The following ITGB1 variants were observed in gnomAD, a reference collection of about 807,000 sequenced individuals.
ITGB1 encodes the protein integrin beta-1.
Under a neutral mutation model 86.5 loss-of-function variants are expected in ITGB1, and 24 were observed. That is an observed-to-expected ratio of 0.28 (90% CI 0.20 to 0.39). The LOEUF is 0.39. Among genes scored for constraint, ITGB1 ranks in the 10% least tolerant of loss-of-function variants. ITGB1 has a pLI of 1.00. For synonymous variants in ITGB1, 323 were observed against 316.8 expected, an observed-to-expected ratio of 1.02 and a Z score of -0.21; for missense variants, 556 against 946.9, an observed-to-expected ratio of 0.59 and a Z score of 5.42.
chr10:32,946,921 TG>T (rs1275666971), intron 1 of ITGB1, among the ~76,000 whole-genome samples: 1 of 152,008 alleles, frequency 6.6e-6, no homozygotes, highest in Non-Finnish European at 1.5e-5. Context: ...CTTGGCTCAC[TG>T]CAACCTCCGC....
rs973453517 is a variant in ITGB1, at chr10:32,926,034, G to A, written c.623C>T (p.Thr208Ile). Residue 208 changes from threonine (T) to isoleucine (I), a missense_variant, in exon 6 of 16, where the codon ACA becomes ATA. Thr to Ile is a moderately conservative substitution (Grantham distance 89). Coordinates refer to ENST00000302278, the MANE Select transcript of ITGB1 (RefSeq NM_002211.4). Reference protein sequence around the residue: ...TTPAKLRNPCTSEQNCTSPFS... With the variant: ...TTPAKLRNPCISEQNCTSPFS... ...TGGGCTGGTGCAGTTCTGTTCACTT[G>A]TGCAAGGGTTCCTGAGCTTAGCTGG... 2 of 1,613,994 alleles carry A rather than the reference G, an allele frequency of 1.2e-6. No individual in the cohort carries two copies. The highest frequency in any genetic ancestry group is 1.3e-5 in the African/African-American group (1 of 74,908).
rs558884199 is a variant in ITGB1 at position 32,910,991 on chromosome 10, G to A, written c.1931+457C>T. On this transcript the variant is annotated intron_variant, in intron 13 of 15. Coordinates refer to ENST00000302278, the MANE Select transcript of ITGB1 (RefSeq NM_002211.4). ...TGACCTTAAGTGATCCACCTGTCTCGGCCTTCCAAAGTGCTGGGATTACAG... is the reference window on the plus strand; with the variant it reads ...TGACCTTAAGTGATCCACCTGTCTCAGCCTTCCAAAGTGCTGGGATTACAG... Among the ~76,000 whole-genome samples the A allele has an allele frequency of 1.1e-4, 16 of 152,138 alleles. No individual in the cohort carries two copies. The South Asian group carries it at 3.3e-3, about 32-fold the overall frequency.
intron 13 of ITGB1, among the ~76,000 whole-genome samples, chr10:32,911,007 G>A (rs191897934): frequency 1.4e-4 from 21 of 152,212 alleles, no homozygotes; most frequent in Non-Finnish European, 2.5e-4. Flanking sequence ...CCAAAGTGCT[G>A]GGATTACAGG....
intron 1 of ITGB1, among the ~76,000 whole-genome samples, chr10:32,954,369 T>C (rs2095048435): frequency 6.6e-6 from 1 of 152,098 alleles, no homozygotes. Flanking sequence ...TATCAAGTCT[T>C]ATCAGTTCTC....
At chr10:32,954,441 AG>A (rs771947832) in intron 1 of ITGB1, among the ~76,000 whole-genome samples, 18 of 152,180 alleles carry the variant, frequency 1.2e-4, no homozygotes, top group Non-Finnish European at 2.6e-4. Context: ...GGATCTGCAA[AG>A]CTTTCTGACC....
intron 1 of ITGB1, among the ~76,000 whole-genome samples, chr10:32,950,564 A>C (rs774942655): frequency 2.0e-5 from 3 of 152,176 alleles, no homozygotes; most frequent in Non-Finnish European, 2.9e-5. Context: ...ATAGAGAAGA[A>C]AAAAAAGGAG....
chr10:32,908,554 T>A lies in ITGB1; in HGVS notation c.2165-20A>T. ...GACACTCTGGAAAATAAGAAGGTAA[T>A]AATGAGCACCACAAAGAGCTGTGCA... On this transcript the variant is annotated intron_variant, in intron 14 of 15. Coordinates refer to ENST00000302278, the MANE Select transcript of ITGB1 (RefSeq NM_002211.4). 6.2e-7 allele frequency: 1 copy of A among 1,609,260 alleles called. No individual in the cohort carries two copies. The highest frequency in any genetic ancestry group is 2.2e-5 in the East Asian group (1 of 44,786).
At chr10:32,937,239 T>C (rs2095004932) in intron 1 of ITGB1, among the ~76,000 whole-genome samples, 1 of 152,188 alleles carries the variant, frequency 6.6e-6, no homozygotes. Flanking sequence ...TATTAGTCAT[T>C]GCAATAATAA....
chr10:32,944,536 A>G (rs1482955740), intron 1 of ITGB1: 2 of 438,174 alleles, frequency 4.6e-6, no homozygotes, highest in African/African-American at 4.1e-5. Context: ...GGGGCACAGA[A>G]ATTAATGTGT....
chr10:32,920,102 G>A lies in ITGB1; in HGVS notation c.1270-18C>T, dbSNP rs45580338. 0.019 allele frequency: 30,334 copies of A among 1,598,300 alleles called. 358 individuals carry two copies. Among genetic ancestry groups the A allele is most frequent in the Non-Finnish European group, 0.022 (25,828 of 1,167,112 alleles). On this transcript the variant is annotated intron_variant, in intron 10 of 15. Coordinates refer to ENST00000302278, the MANE Select transcript of ITGB1 (RefSeq NM_002211.4). ...AATTGAACCTTGAAGGGAAAAAAAAGATTAACAACCAACTAAACAATTTAA... is the reference window on the plus strand; with the variant it reads ...AATTGAACCTTGAAGGGAAAAAAAAAATTAACAACCAACTAAACAATTTAA...
At chr10:32,902,130 G>A (rs1422944084) in intron 15 of ITGB1, among the ~76,000 whole-genome samples, 2 of 152,190 alleles carry the variant, frequency 1.3e-5, no homozygotes, top group Non-Finnish European at 2.9e-5. Flanking sequence ...AATTTAGAGA[G>A]TAAGGCTGTC....
At chr10:32,946,213 G>A (rs1389345626) in intron 1 of ITGB1, among the ~76,000 whole-genome samples, 1 of 152,150 alleles carries the variant, frequency 6.6e-6, no homozygotes, top group Admixed American at 6.5e-5. Context: ...GAAAACCTAT[G>A]GAATTATGTA....
At position 32,946,749 on chromosome 10, in the gene ITGB1, T is replaced by TGGGG. The variant is rs35757367; in HGVS notation, c.1-11195_1-11192dup. On this transcript the variant is annotated intron_variant, in intron 1 of 15. Coordinates refer to ENST00000302278, the MANE Select transcript of ITGB1 (RefSeq NM_002211.4). ...CCAATAAGTGGTTTGTATGTATTTC[T>TGGGG]GGGGGGGGGGGGGGGATTATTTTCC... 1.2e-3 allele frequency among the ~76,000 whole-genome samples: 30 copies of TGGGG among 25,100 alleles called. 1 individual carries two copies. Among genetic ancestry groups the TGGGG allele is most frequent in the African/African-American group, 3.8e-3 (27 of 7,082 alleles). The allele number at this position is 25,100 out of a possible 152,430, so 16.5% of individuals were successfully genotyped here. A position where few individuals can be genotyped will look rare whatever the true frequency, so the allele number is the denominator to read the frequency against.
At chr10:32,919,854 C>T in intron 11 of ITGB1, 31 bp downstream of exon 11, 1 of 1,590,780 alleles carries the variant, frequency 6.3e-7, no homozygotes. Flanking sequence ...ACCAATGTAG[C>T]TCTGTCACTG....
At position 32,944,951 on chromosome 10, in the gene ITGB1, T is replaced by A. The variant is rs575524261; in HGVS notation, c.1-9393A>T. 3.4e-5 allele frequency: 41 copies of A among 1,197,208 alleles called. No homozygotes were observed. The African/African-American group carries it at 5.7e-4, about 17-fold the overall frequency. 74.2% of individuals were successfully genotyped at this position (1,197,208 alleles called of 1,614,324 possible). Reference sequence around the variant, plus strand: ...GCCAGTCCTGGAATATTACCAAGCTTTTCTACAAACTAAAGTTCCACAAAG... The same window carrying A: ...GCCAGTCCTGGAATATTACCAAGCTATTCTACAAACTAAAGTTCCACAAAG... On this transcript the variant is annotated intron_variant, in intron 1 of 15. Transcript: ENST00000302278.
chr10:32,922,899 T>C (rs1255207294), intron 7 of ITGB1, among the ~76,000 whole-genome samples, 164 bp from the exon 8 acceptor site: 1 of 152,206 alleles, frequency 6.6e-6, no homozygotes, highest in African/African-American at 2.4e-5. Flanking sequence ...TTACATCTAG[T>C]TGCATACATA....
chr10:32,917,097 T>C (rs1332207832), intron 11 of ITGB1, among the ~76,000 whole-genome samples: 3 of 152,260 alleles, frequency 2.0e-5, no homozygotes, highest in East Asian at 3.9e-4. Flanking sequence ...GGGGAAAGGA[T>C]TCCCTATTTA....
At position 32,924,150 on chromosome 10, in the gene ITGB1, T is replaced by C. The variant is rs1402561826; in HGVS notation, c.787-410A>G. On this transcript the variant is annotated intron_variant, in intron 6 of 15. Transcript: ENST00000302278. ...TATCCTTACTTTACCCCACTGCTGC[T>C]GTCTTGTCCCCATCCACCCATCTCT... is the stretch of plus-strand genomic sequence containing the variant. 2.6e-5 allele frequency among the ~76,000 whole-genome samples: 4 copies of C among 152,312 alleles called. No individual in the cohort carries two copies. The East Asian group carries it at 7.7e-4, about 29-fold the overall frequency.
chr10:32,929,038 G>A (rs1306057616), intron 4 of ITGB1, among the ~76,000 whole-genome samples: 1 of 151,984 alleles, frequency 6.6e-6, no homozygotes, highest in Non-Finnish European at 1.5e-5. Flanking sequence ...AGCCACGAGA[G>A]GAAAACTGAC....
Sources: allele counts gnomAD v4.1 joint callset (sites outside exome capture counted in the v4.1 genomes callset), GRCh38; gene constraint gnomAD v4.1.1; transcripts MANE v1.5; gene names NCBI Gene and HGNC (gene_info 2026-07-23, HGNC 2026-07-21).